The following DIAPH2 variants were observed in gnomAD, a reference collection of about 807,000 sequenced individuals.
DIAPH2 encodes the protein diaphanous related formin 2.
Under a neutral mutation model 92.7 loss-of-function variants are expected in DIAPH2, and 35 were observed. The observed-to-expected ratio is 0.38, with a 90% CI of 0.29 to 0.50. The LOEUF is 0.50. DIAPH2 is among the 20% of genes least tolerant of loss of function. The probability of loss-of-function intolerance (pLI) is 0.94; values close to 1 mark genes in which losing one functional copy is unlikely to be tolerated. For synonymous variants in DIAPH2, 301 were observed against 280.4 expected (o/e 1.07, Z -0.73); for missense variants, 701 against 819.5 (o/e 0.86, Z 1.77).
intron 23 of DIAPH2, among the ~76,000 whole-genome samples, chrX:97,333,731 A>T (rs1394118890): frequency 1.8e-5 from 2 of 109,993 alleles, no homozygotes; most frequent in Non-Finnish European, 3.8e-5. Context: ...TGCCTGATTA[A>T]TTTTTGTAGT....
At chrX:96,760,831 G>T (rs2064263338) in intron 4 of DIAPH2, among the ~76,000 whole-genome samples, 4 of 111,259 alleles carry the variant, frequency 3.6e-5, no homozygotes, top group Admixed American at 1.9e-4. Flanking sequence ...ATGTTAAATT[G>T]TGTGAATGTT....
At chrX:97,052,810 A>G (rs2066529514) in intron 17 of DIAPH2, among the ~76,000 whole-genome samples, 2 of 111,433 alleles carry the variant, frequency 1.8e-5, no homozygotes, top group Non-Finnish European at 3.8e-5. Context: ...AGGGCCTAGC[A>G]TGAGGGTTGA....
At chrX:97,420,401 G>A (rs1602578443) in intron 25 of DIAPH2, among the ~76,000 whole-genome samples, 2 of 111,135 alleles carry the variant, frequency 1.8e-5, no homozygotes, top group Admixed American at 1.9e-4. Context: ...ATCAGTTTGG[G>A]GTATAATATC....
intron 12 of DIAPH2, among the ~76,000 whole-genome samples, chrX:96,941,376 A>G (rs1048459266): frequency 2.7e-5 from 3 of 112,149 alleles, no homozygotes; most frequent in Admixed American, 9.4e-5. Flanking sequence ...ACGCTGATGG[A>G]TTACAGAATT....
intron 23 of DIAPH2, among the ~76,000 whole-genome samples, chrX:97,272,002 T>A (rs769578259): frequency 1.9e-5 from 2 of 107,770 alleles, no homozygotes; most frequent in South Asian, 8.1e-4. Flanking sequence ...TGTTAAAAAC[T>A]TTTTTTTTTC....
chrX:96,934,555 AAT>A (rs1299551455), intron 10 of DIAPH2, among the ~76,000 whole-genome samples: 3 of 111,585 alleles, frequency 2.7e-5, no homozygotes, highest in Non-Finnish European at 5.6e-5. Context: ...TTTTCATAAT[AAT>A]TATCAGAATC....
chrX:96,811,677 G>T (rs201783085), intron 4 of DIAPH2, among the ~76,000 whole-genome samples: 1 of 111,465 alleles, frequency 9.0e-6, no homozygotes, highest in African/African-American at 3.3e-5. Flanking sequence ...TAGCTCTTAT[G>T]ATTTTGAGAT....
chrX:97,196,992 G>C (rs894405084), intron 22 of DIAPH2, among the ~76,000 whole-genome samples: 2 of 110,535 alleles, frequency 1.8e-5, no homozygotes, highest in Non-Finnish European at 1.9e-5. Flanking sequence ...CACCATGTTG[G>C]TCAGACTGGT....
intron 1 of DIAPH2, among the ~76,000 whole-genome samples, chrX:96,724,451 T>C (rs1348075212): frequency 8.9e-6 from 1 of 112,011 alleles, no homozygotes; most frequent in Non-Finnish European, 1.9e-5. Flanking sequence ...ATTCAGACTT[T>C]CTCTGTTTTC....
chrX:97,187,281 C>CTTTTTTTTTTTTTTTTTTT lies in DIAPH2; in HGVS notation c.2719+45492_2719+45510dup, dbSNP rs763781923. On this transcript the variant is annotated intron_variant, in intron 22 of 26. Transcript: ENST00000324765. ...AGGGATTGAAGACTAATTAAGTAGC[C>CTTTTTTTTTTTTTTTTTTT]TTTTTTTTTTTTTTTTTTTTTTTGC... is the stretch of plus-strand genomic sequence containing the variant. Among the ~76,000 whole-genome samples, 38 of 36,883 alleles carry CTTTTTTTTTTTTTTTTTTT rather than the reference C, an allele frequency of 1.0e-3. 8 individuals carry two copies. Among genetic ancestry groups the CTTTTTTTTTTTTTTTTTTT allele is most frequent in the African/African-American group, 3.3e-3 (32 of 9,669 alleles). The allele number at this position is 36,883 out of a possible 115,157, so 32.0% of individuals were successfully genotyped here. A position where few individuals can be genotyped will look rare whatever the true frequency, so the allele number is the denominator to read the frequency against.
chrX:97,058,011 T>G (rs2066569566), intron 17 of DIAPH2, among the ~76,000 whole-genome samples: 1 of 111,673 alleles, frequency 9.0e-6, no homozygotes, highest in African/African-American at 3.3e-5. Context: ...TTACTGTCTA[T>G]GTAGACTTTA....
intron 23 of DIAPH2, among the ~76,000 whole-genome samples, chrX:97,307,743 T>A (rs2068758779): frequency 9.2e-6 from 1 of 108,398 alleles, no homozygotes; most frequent in African/African-American, 3.4e-5. Flanking sequence ...ACCCCATCTC[T>A]ACTAAAAATA....
At chrX:96,950,378 T>C (rs578189967) in intron 15 of DIAPH2, among the ~76,000 whole-genome samples, 1 of 111,531 alleles carries the variant, frequency 9.0e-6, no homozygotes, top group Non-Finnish European at 1.9e-5. Flanking sequence ...AACCCAGTTT[T>C]GTGGTTTTGT....
chrX:97,012,225 G>GAATGACCTC (rs2066232066), intron 17 of DIAPH2, among the ~76,000 whole-genome samples: 1 of 112,040 alleles, frequency 8.9e-6, no homozygotes, highest in Non-Finnish European at 1.9e-5. Context: ...TTCCTGAGGT[G>GAATGACCTC]AATGACCTCA....
intron 24 of DIAPH2, among the ~76,000 whole-genome samples, chrX:97,360,697 C>A (rs934112979): frequency 1.8e-5 from 2 of 111,716 alleles, no homozygotes; most frequent in African/African-American, 6.5e-5. Flanking sequence ...AACAATATAA[C>A]CTCTACATGG....
intron 25 of DIAPH2, among the ~76,000 whole-genome samples, chrX:97,410,198 G>A (rs1414597917): frequency 8.9e-6 from 1 of 112,018 alleles, no homozygotes; most frequent in Non-Finnish European, 1.9e-5. Context: ...AATATTTGCT[G>A]TTCTGCAGTG....
At chrX:97,217,953 AAAAG>A (rs1284366331) in intron 22 of DIAPH2, among the ~76,000 whole-genome samples, 2 of 111,696 alleles carry the variant, frequency 1.8e-5, no homozygotes, top group Non-Finnish European at 3.8e-5. Flanking sequence ...CTCAGAAAGA[AAAAG>A]AAAGAAAGTA....
intron 26 of DIAPH2, among the ~76,000 whole-genome samples, chrX:97,476,997 A>ACC (rs1228142431): frequency 1.1e-5 from 1 of 90,915 alleles, no homozygotes; most frequent in Non-Finnish European, 2.1e-5. Context: ...ACACACACAC[A>ACC]CACACACACA....
intron 24 of DIAPH2, among the ~76,000 whole-genome samples, chrX:97,361,968 C>G (rs776939404): frequency 8.9e-6 from 1 of 112,022 alleles, no homozygotes; most frequent in African/African-American, 3.2e-5. Flanking sequence ...TGGCAGCGCG[C>G]GGTGGCTCAC....
Sources: gnomAD v4.1 joint callset for allele counts (sites outside exome capture counted in the v4.1 genomes callset) on GRCh38, gnomAD v4.1.1 for gene constraint, MANE v1.5 for transcripts, NCBI Gene and HGNC (gene_info 2026-07-23, HGNC 2026-07-21) for gene names.